GRIA4: variants seen among roughly 807,000 people sequenced by gnomAD.
GRIA4 encodes glutamate ionotropic receptor AMPA type subunit 4, also known as glutamate receptor 4.
A neutral mutation model predicts 104.0 loss-of-function variants in GRIA4; 34 were observed. The observed-to-expected ratio is 0.33, with a 90% CI of 0.25 to 0.44. The LOEUF (loss-of-function observed/expected upper bound fraction) is 0.44, where lower values mean the gene tolerates loss of function less well. Ranked by LOEUF, GRIA4 falls within the 20% of genes least tolerant of loss-of-function variation. The probability of loss-of-function intolerance (pLI) is 1.00; values close to 1 mark genes in which losing one functional copy is unlikely to be tolerated. For synonymous variants in GRIA4, 386 were observed against 381.9 expected, an observed-to-expected ratio of 1.01 and a Z score of -0.13; for missense variants, 750 against 1,096.5, an observed-to-expected ratio of 0.68 and a Z score of 4.46.
At position 105,926,953 on chromosome 11, in the gene GRIA4, A is replaced by G; in HGVS notation, c.2046+14A>G. ...GAATTCTTCAGAGTAAGTTAAGGGA[A>G]AAACTAAAAATGAAATGTTTATCAT... On this transcript the variant is annotated intron_variant, in intron 13 of 16. Transcript: ENST00000282499. 1 of 1,544,032 alleles carries G rather than the reference A, an allele frequency of 6.5e-7. No homozygotes were observed. Among genetic ancestry groups the G allele is most frequent in the African/African-American group, 1.4e-5 (1 of 73,498 alleles).
At chr11:105,808,291 A>C (rs1278619708) in intron 4 of GRIA4, among the ~76,000 whole-genome samples, 1 of 152,004 alleles carries the variant, frequency 6.6e-6, no homozygotes, top group East Asian at 1.9e-4. Flanking sequence ...CTAGAACCAG[A>C]GAGAGAAAAG....
At chr11:105,657,497 T>C (rs1386826889) in intron 3 of GRIA4, among the ~76,000 whole-genome samples, 1 of 152,044 alleles carries the variant, frequency 6.6e-6, no homozygotes. Flanking sequence ...TCAATGCACA[T>C]TGGTCTTCTA....
intron 14 of GRIA4, among the ~76,000 whole-genome samples, chr11:105,966,928 T>A (rs1176949643): frequency 6.6e-6 from 1 of 152,172 alleles, no homozygotes; most frequent in Non-Finnish European, 1.5e-5. Context: ...AAGGACAAAC[T>A]TTTGTCTCCA....
intron 4 of GRIA4, among the ~76,000 whole-genome samples, chr11:105,791,834 T>C (rs1221111100): frequency 1.3e-5 from 2 of 152,180 alleles, no homozygotes; most frequent in Non-Finnish European, 2.9e-5. Flanking sequence ...GAATTACACG[T>C]GGGCAATGTC....
chr11:105,695,750 T>C (rs1953255019), intron 3 of GRIA4, among the ~76,000 whole-genome samples: 1 of 152,156 alleles, frequency 6.6e-6, no homozygotes, highest in African/African-American at 2.4e-5. Context: ...GAGAATTTAG[T>C]TGCTATTTTT....
At chr11:105,904,763 T>C (rs776183893) in intron 8 of GRIA4, among the ~76,000 whole-genome samples, 4 of 152,192 alleles carry the variant, frequency 2.6e-5, no homozygotes, top group South Asian at 2.1e-4. Flanking sequence ...AAAATGTCCT[T>C]ATACTTTTTG....
rs893055355 is a variant in GRIA4, at chr11:105,772,620, G to A, written c.487+19400G>A. Among the ~76,000 whole-genome samples the A allele has an allele frequency of 1.4e-4, 21 of 151,950 alleles. No individual in the cohort carries two copies. In the South Asian group the frequency reaches 2.5e-3, roughly 18 times the overall value. The stretch of plus-strand genomic sequence containing the variant: ...TGGGGGTGGGTGCCCCAACCGTCAC[G>A]TTGTTCAAAAGTCAACTGTATATAT... On this transcript the variant is annotated intron_variant, in intron 4 of 16. Coordinates refer to ENST00000282499, the MANE Select transcript of GRIA4 (RefSeq NM_000829.4).
Position 105,862,149 on chromosome 11 carries a change from C to G in GRIA4, c.613C>G (p.Gln205Glu). ...ACTTCTAGAAGAACTTGACAGAAGA[C>G]AAGAGAAGAAGTTTGTAATAGACTG... ...RQLLEELDRR[Q>E]EKKFVIDCEI... The change falls in exon 5 of 17, where the codon CAA becomes GAA. Residue 205 changes from glutamine to glutamate, a missense_variant. Coordinates refer to ENST00000282499, the MANE Select transcript of GRIA4 (RefSeq NM_000829.4). The G allele has an allele frequency of 6.2e-7, 1 of 1,607,278 alleles. No individual in the cohort carries two copies. Among genetic ancestry groups the G allele is most frequent in the Non-Finnish European group, 8.5e-7 (1 of 1,173,892 alleles).
chr11:105,941,087 C>T (rs896759360), intron 14 of GRIA4, among the ~76,000 whole-genome samples: 1 of 152,120 alleles, frequency 6.6e-6, no homozygotes, highest in South Asian at 2.1e-4. Flanking sequence ...TGCCATTCAG[C>T]TCTTCAAAAA....
At chr11:105,727,142 A>C (rs899754809) in intron 3 of GRIA4, among the ~76,000 whole-genome samples, 3 of 152,018 alleles carry the variant, frequency 2.0e-5, no homozygotes, top group African/African-American at 4.8e-5. Flanking sequence ...ACTTGGAAAA[A>C]AGGTTAGAGG....
chr11:105,771,474 G>A (rs919300348), intron 4 of GRIA4, among the ~76,000 whole-genome samples: 8 of 151,944 alleles, frequency 5.3e-5, no homozygotes, highest in Admixed American at 1.3e-4. Context: ...GATATGAACC[G>A]TTCCCAAATC....
chr11:105,905,903 C>A (rs1453861549), intron 9 of GRIA4, among the ~76,000 whole-genome samples: 1 of 152,058 alleles, frequency 6.6e-6, no homozygotes, highest in Non-Finnish European at 1.5e-5. Flanking sequence ...GGTATAGGAG[C>A]GGTCTTCCCA....
rs1196104409 is a variant in GRIA4 at position 105,721,454 on chromosome 11, C to T, written c.248-31527C>T. On this transcript the variant is annotated intron_variant, in intron 3 of 16. Coordinates refer to ENST00000282499, the MANE Select transcript of GRIA4 (RefSeq NM_000829.4). ...AGTTTAATTTTAATTATTACCATAA[C>T]ATTCAGGAATATGTTTTGTTGTTTA... 3.3e-5 allele frequency among the ~76,000 whole-genome samples: 5 copies of T among 152,058 alleles called. No individual in the cohort carries two copies. In the South Asian group the frequency reaches 8.3e-4, roughly 25 times the overall value.
chr11:105,917,589 C>T lies in GRIA4; in HGVS notation c.1270-1123C>T, dbSNP rs77399575. Among the ~76,000 whole-genome samples, 51 of 152,142 alleles carry T rather than the reference C, an allele frequency of 3.4e-4. 1 individual carries two copies. The East Asian group carries it at 9.7e-3, about 29-fold the overall frequency. ...AGATTACCAAATAAATGTTACAGTA[C>T]AATTTTATAAAATATGAATACATTA... On this transcript the variant is annotated intron_variant, in intron 10 of 16. Coordinates refer to ENST00000282499, the MANE Select transcript of GRIA4 (RefSeq NM_000829.4).
At chr11:105,630,983 A>G (rs930066427) in intron 3 of GRIA4, among the ~76,000 whole-genome samples, 3 of 152,186 alleles carry the variant, frequency 2.0e-5, no homozygotes, top group African/African-American at 4.8e-5. Context: ...CAGGGACATC[A>G]CAGCTCTTTA....
chr11:105,610,886 T>TGTTTTTTTTAA, intron 1 of GRIA4, 22 bp from the exon 2 acceptor site: 1 of 453,558 alleles, frequency 2.2e-6, no homozygotes, highest in South Asian at 4.9e-5. Flanking sequence ...TTTTTTTTTT[T>TGTTTTTTTTAA]TTTGGTTGAT....
intron 14 of GRIA4, among the ~76,000 whole-genome samples, chr11:105,939,105 TA>T (rs544907865): frequency 2.6e-5 from 4 of 152,002 alleles, no homozygotes; most frequent in African/African-American, 7.2e-5. Flanking sequence ...TCCCATTAGT[TA>T]AAAAAAATGC....
intron 3 of GRIA4, among the ~76,000 whole-genome samples, chr11:105,655,835 T>C (rs1951827489): frequency 6.6e-6 from 1 of 152,188 alleles, no homozygotes; most frequent in African/African-American, 2.4e-5. Context: ...TATAATCCTT[T>C]GAGTATATAC....
chr11:105,787,627 C>A (rs1239758823), intron 4 of GRIA4, among the ~76,000 whole-genome samples: 1 of 151,516 alleles, frequency 6.6e-6, no homozygotes, highest in Non-Finnish European at 1.5e-5. Flanking sequence ...AGGCCTGTAC[C>A]ACCAAGCCTG....
Sources: gnomAD v4.1 joint callset for allele counts (sites outside exome capture counted in the v4.1 genomes callset) on GRCh38, gnomAD v4.1.1 for gene constraint, MANE v1.5 for transcripts, NCBI Gene and HGNC (gene_info 2026-07-23, HGNC 2026-07-21) for gene names.